HS3ST5: variants seen among roughly 807,000 people sequenced by gnomAD.
HS3ST5 encodes the protein heparan sulfate glucosamine 3-O-sulfotransferase 5.
In HS3ST5, 10 loss-of-function variants were observed where a neutral mutation model predicts 25.4. That is an observed-to-expected ratio of 0.39 (90% CI 0.24 to 0.67). The LOEUF (loss-of-function observed/expected upper bound fraction) is 0.67, where lower values mean the gene tolerates loss of function less well. Among genes scored for constraint, HS3ST5 ranks in the 30% least tolerant of loss-of-function variants. The probability of loss-of-function intolerance (pLI) is 0.44; values close to 1 mark genes in which losing one functional copy is unlikely to be tolerated. For missense variants in HS3ST5, 324 were observed against 420.7 expected (o/e 0.77, Z 2.01); for synonymous variants, 170 against 162.4 (o/e 1.05, Z -0.36).
At chr6:114,315,348 T>A (rs896889618) in intron 1 of HS3ST5, among the ~76,000 whole-genome samples, 1 of 152,170 alleles carries the variant, frequency 6.6e-6, no homozygotes, top group African/African-American at 2.4e-5. Context: ...ATATTTTCAG[T>A]CTTCTGCCTT....
Position 114,057,280 on chromosome 6 carries a change from C to T in HS3ST5, c.1018G>A (p.Gly340Arg). Reference sequence around the variant, plus strand: ...TTTTAGGGCCAGTTCAATGTCCTCCCAGTGATCTGGTAAAATTTTTGATTA... The same window carrying T: ...TTTTAGGGCCAGTTCAATGTCCTCCTAGTGATCTGGTAAAATTTTTGATTA... ...PFNQKFYQIT[G>R]RTLNWP is the part of the protein sequence containing the mutation. Residue 340 changes from glycine (G) to arginine (R), a missense_variant, in exon 5 of 5, where the codon GGG (glycine) becomes AGG (arginine). Coordinates refer to ENST00000312719, the MANE Select transcript of HS3ST5 (RefSeq NM_153612.4). 1.2e-6 allele frequency: 2 copies of T among 1,613,348 alleles called. No individual in the cohort carries two copies. Among genetic ancestry groups the T allele is most frequent in the African/African-American group, 2.7e-5 (2 of 74,976 alleles).
At chr6:114,182,221 A>T (rs535020171) in intron 2 of HS3ST5, among the ~76,000 whole-genome samples, 2 of 152,274 alleles carry the variant, frequency 1.3e-5, no homozygotes, top group South Asian at 2.1e-4. Context: ...TAAAGAAGAG[A>T]TTGATCATCC....
In HS3ST5 at chr6:114,175,415, G is replaced by A. The variant is rs150885921; in HGVS notation, c.-144-6953C>T. 4.6e-3 allele frequency among the ~76,000 whole-genome samples: 707 copies of A among 152,266 alleles called. 5 individuals carry two copies. The highest frequency in any genetic ancestry group is 7.2e-3 in the Non-Finnish European group (487 of 68,020). ...TAAATTATGATTATGACAGATTCAG[G>A]GAATTGGTTCAGGGTTCTTTGCATC... is the stretch of plus-strand genomic sequence containing the variant. On this transcript the variant is annotated intron_variant, in intron 2 of 4. Coordinates refer to ENST00000312719, the MANE Select transcript of HS3ST5 (RefSeq NM_153612.4).
At chr6:114,337,714 T>C (rs1221094209) in intron 1 of HS3ST5, among the ~76,000 whole-genome samples, 1 of 152,096 alleles carries the variant, frequency 6.6e-6, no homozygotes, top group Non-Finnish European at 1.5e-5. Context: ...ATCATAAATC[T>C]CAGTTGCTAG....
intron 2 of HS3ST5, among the ~76,000 whole-genome samples, chr6:114,176,625 G>A (rs299427): frequency 1 from 152,025 of 152,254 alleles, 75,899 homozygotes; most frequent in Non-Finnish European, 1. Flanking sequence ...GCGGCTGGAA[G>A]TGGAGTCAGA....
chr6:114,210,050 T>C (rs1410831679), intron 2 of HS3ST5, among the ~76,000 whole-genome samples: 2 of 152,200 alleles, frequency 1.3e-5, no homozygotes, highest in African/African-American at 2.4e-5. Context: ...AGTAACAAAA[T>C]TGATATGTCA....
At chr6:114,291,222 G>A (rs1410916605) in intron 1 of HS3ST5, among the ~76,000 whole-genome samples, 2 of 151,962 alleles carry the variant, frequency 1.3e-5, no homozygotes, top group Non-Finnish European at 2.9e-5. Context: ...TCTTTTCTTT[G>A]GAGCAAGCAG....
intron 1 of HS3ST5, among the ~76,000 whole-genome samples, chr6:114,326,110 G>A (rs571609018): frequency 7.0e-4 from 107 of 152,196 alleles, no homozygotes; most frequent in African/African-American, 2.6e-3. Flanking sequence ...AAAAAAGTAG[G>A]CCCACTGGGC....
chr6:114,330,346 C>T, intron 1 of HS3ST5, among the ~76,000 whole-genome samples: 1 of 152,136 alleles, frequency 6.6e-6, no homozygotes, highest in South Asian at 2.1e-4. Context: ...TCTTTTGTAT[C>T]AATGAATGAA....
chr6:114,110,109 A>C (rs1776193423), intron 3 of HS3ST5, among the ~76,000 whole-genome samples: 1 of 152,182 alleles, frequency 6.6e-6, no homozygotes, highest in Non-Finnish European at 1.5e-5. Flanking sequence ...ATTTACATAC[A>C]AAATATTCAC....
At chr6:114,180,912 G>C (rs995847393) in intron 2 of HS3ST5, among the ~76,000 whole-genome samples, 6 of 152,112 alleles carry the variant, frequency 3.9e-5, no homozygotes, top group African/African-American at 1.4e-4. Flanking sequence ...AACCAAACAC[G>C]TTCAGTTTCT....
chr6:114,327,718 A>G (rs17076041), intron 1 of HS3ST5, among the ~76,000 whole-genome samples: 2,610 of 152,286 alleles, frequency 0.017, 78 homozygotes, highest in East Asian at 0.13. Context: ...AGTTCCATGA[A>G]TGTGAGAAAC....
intron 1 of HS3ST5, among the ~76,000 whole-genome samples, chr6:114,276,177 G>A (rs529864570): frequency 7.2e-6 from 1 of 137,986 alleles, no homozygotes; most frequent in Admixed American, 7.6e-5. Flanking sequence ...CTATGCTTAT[G>A]TTAGTTCTTT....
chr6:114,076,705 A>T, intron 3 of HS3ST5, among the ~76,000 whole-genome samples: 1 of 152,238 alleles, frequency 6.6e-6, no homozygotes, highest in East Asian at 1.9e-4. Context: ...TTCTGTAATA[A>T]TAATTACGTA....
intron 1 of HS3ST5, among the ~76,000 whole-genome samples, chr6:114,286,469 TCTTG>T (rs1281983559): frequency 1.1e-4 from 16 of 152,030 alleles, no homozygotes; most frequent in Admixed American, 1.0e-3. Flanking sequence ...TGTTAAGTGT[TCTTG>T]CCAATATAAA....
At chr6:114,288,741 T>G (rs988346997) in intron 1 of HS3ST5, among the ~76,000 whole-genome samples, 1 of 152,110 alleles carries the variant, frequency 6.6e-6, no homozygotes, top group African/African-American at 2.4e-5. Context: ...TCTCACCTGC[T>G]TGCCTTTGTT....
intron 1 of HS3ST5, among the ~76,000 whole-genome samples, chr6:114,292,491 C>T (rs1562266093): frequency 6.6e-6 from 1 of 152,170 alleles, no homozygotes; most frequent in Non-Finnish European, 1.5e-5. Flanking sequence ...AACACCATTA[C>T]ATAGGGAATT....
chr6:114,068,949 A>G (rs1773628323), intron 3 of HS3ST5, among the ~76,000 whole-genome samples: 1 of 152,188 alleles, frequency 6.6e-6, no homozygotes, highest in African/African-American at 2.4e-5. Flanking sequence ...GTGGCCAGAA[A>G]CGACAAATTG....
intron 3 of HS3ST5, among the ~76,000 whole-genome samples, chr6:114,142,487 G>C (rs1777956662): frequency 6.6e-6 from 1 of 152,182 alleles, no homozygotes; most frequent in Non-Finnish European, 1.5e-5. Flanking sequence ...TGGGAGAAAG[G>C]AGGGAGCAGT....
Sources: gnomAD v4.1 joint callset for allele counts (sites outside exome capture counted in the v4.1 genomes callset) on GRCh38, gnomAD v4.1.1 for gene constraint, MANE v1.5 for transcripts, NCBI Gene and HGNC (gene_info 2026-07-23, HGNC 2026-07-21) for gene names.